CMTM8: variants seen among roughly 807,000 people sequenced by gnomAD.
CMTM8 encodes the protein CKLF-like MARVEL transmembrane domain-containing protein 8.
Under a neutral mutation model 18.6 loss-of-function variants are expected in CMTM8, and 12 were observed. The observed-to-expected ratio is 0.65, with a 90% confidence interval of 0.41 to 1.05. CMTM8 has a LOEUF of 1.05. Ranked by LOEUF, CMTM8 falls within the 50% of genes least tolerant of loss-of-function variation. The pLI, the probability that CMTM8 is intolerant of heterozygous loss-of-function variation, is 0.00. For missense variants in CMTM8, 217 were observed against 227.2 expected, an observed-to-expected ratio of 0.95 and a Z score of 0.29; for synonymous variants, 87 against 90.6, an observed-to-expected ratio of 0.96 and a Z score of 0.23.
At chr3:32,322,981 C>G (rs1696087005) in intron 1 of CMTM8, among the ~76,000 whole-genome samples, 1 of 152,128 alleles carries the variant, frequency 6.6e-6, no homozygotes, top group Non-Finnish European at 1.5e-5. Flanking sequence ...TGTATAGGCT[C>G]TCTCCATAGA....
At chr3:32,242,493 T>G (rs1701956912) in intron 1 of CMTM8, among the ~76,000 whole-genome samples, 1 of 151,910 alleles carries the variant, frequency 6.6e-6, no homozygotes, top group Non-Finnish European at 1.5e-5. Flanking sequence ...TGGTGGATGA[T>G]TTTTTTGTAT....
chr3:32,338,233 C>T (rs1375495472), intron 1 of CMTM8, among the ~76,000 whole-genome samples: 5 of 152,056 alleles, frequency 3.3e-5, no homozygotes, highest in African/African-American at 9.7e-5. Flanking sequence ...CTGCCCGCCT[C>T]GGCCTCCTAA....
intron 1 of CMTM8, among the ~76,000 whole-genome samples, chr3:32,288,606 C>T (rs1278223907): frequency 2.6e-5 from 4 of 151,920 alleles, no homozygotes; most frequent in African/African-American, 2.4e-5. Context: ...GTTCAAACAA[C>T]TCCCCTGCCT....
chr3:32,287,738 G>A (rs1477412749), intron 1 of CMTM8, among the ~76,000 whole-genome samples: 2 of 152,174 alleles, frequency 1.3e-5, no homozygotes, highest in Non-Finnish European at 2.9e-5. Flanking sequence ...ATTATTTTAT[G>A]TGTCCGCCAT....
At chr3:32,340,218 A>G (rs1219993090) in intron 1 of CMTM8, among the ~76,000 whole-genome samples, 1 of 152,108 alleles carries the variant, frequency 6.6e-6, no homozygotes, top group Non-Finnish European at 1.5e-5. Context: ...GTAAACTCTG[A>G]TCTCTCGCCA....
At chr3:32,359,625 T>C (rs892814043) in intron 2 of CMTM8, among the ~76,000 whole-genome samples, 5 of 152,098 alleles carry the variant, frequency 3.3e-5, no homozygotes, top group Non-Finnish European at 7.4e-5. Context: ...ATGGGCCAGA[T>C]TTGACCCACA....
chr3:32,305,949 C>T (rs1456607874), intron 1 of CMTM8, among the ~76,000 whole-genome samples: 1 of 152,174 alleles, frequency 6.6e-6, no homozygotes, highest in Non-Finnish European at 1.5e-5. Context: ...CTATTAAAAT[C>T]AATTCATGTT....
At chr3:32,360,184 C>T (rs1319102748) in intron 2 of CMTM8, among the ~76,000 whole-genome samples, 1 of 152,230 alleles carries the variant, frequency 6.6e-6, no homozygotes, top group Non-Finnish European at 1.5e-5. Flanking sequence ...CCCAGACACA[C>T]TTTCTTAGCA....
chr3:32,327,214 C>A (rs943144725), intron 1 of CMTM8, among the ~76,000 whole-genome samples: 1 of 152,044 alleles, frequency 6.6e-6, no homozygotes, highest in Non-Finnish European at 1.5e-5. Context: ...AATGATTGTC[C>A]TTCCAAATAG....
intron 1 of CMTM8, among the ~76,000 whole-genome samples, chr3:32,315,576 CA>C (rs1359785652): frequency 6.6e-6 from 1 of 152,194 alleles, no homozygotes; most frequent in Non-Finnish European, 1.5e-5. Context: ...AATGTTAAAG[CA>C]AAAGAGATTC....
intron 1 of CMTM8, among the ~76,000 whole-genome samples, chr3:32,339,692 G>A (rs1243757096): frequency 2.0e-5 from 3 of 152,182 alleles, no homozygotes; most frequent in East Asian, 1.9e-4. Flanking sequence ...GGCCGGGCGC[G>A]GTGGCTCATG....
Position 32,238,831 on chromosome 3 carries a change from C to A in CMTM8, c.-142C>A. Reference sequence around the variant, plus strand: ...CCCGCCGCGCCTGGACAGCCCCCGGCGGGCGCCCCCCTCGCACCTCCTGCC... The same window carrying A: ...CCCGCCGCGCCTGGACAGCCCCCGGAGGGCGCCCCCCTCGCACCTCCTGCC... On this transcript the variant is annotated 5_prime_UTR_variant, in exon 1 of 4. Transcript: ENST00000307526. 1 of 555,572 alleles carries A rather than the reference C, an allele frequency of 1.8e-6. No homozygotes were observed. The highest frequency in any genetic ancestry group is 2.7e-6 in the Non-Finnish European group (1 of 377,148). 34.4% of individuals were successfully genotyped at this position (555,572 alleles called of 1,614,324 possible).
At chr3:32,319,075 T>TATATATATA (rs1553605531) in intron 1 of CMTM8, among the ~76,000 whole-genome samples, 39 of 25,252 alleles carry the variant, frequency 1.5e-3, no homozygotes, top group South Asian at 2.0e-3. Flanking sequence ...TATATATATA[T>TATATATATA]TTTTTTTTTT....
chr3:32,261,207 T>C (rs887600215), intron 1 of CMTM8, among the ~76,000 whole-genome samples: 1 of 151,274 alleles, frequency 6.6e-6, no homozygotes, highest in Admixed American at 6.6e-5. Flanking sequence ...GAAAACAAAA[T>C]GCTATGAGTT....
intron 1 of CMTM8, among the ~76,000 whole-genome samples, chr3:32,269,321 A>G (rs1370753508): frequency 6.6e-6 from 1 of 152,242 alleles, no homozygotes; most frequent in Non-Finnish European, 1.5e-5. Flanking sequence ...TAACAGGTAT[A>G]TTTAATATTC....
At chr3:32,352,962 A>G (rs1164411509) in intron 1 of CMTM8, among the ~76,000 whole-genome samples, 3 of 152,144 alleles carry the variant, frequency 2.0e-5, no homozygotes, top group Admixed American at 2.0e-4. Context: ...TATACTGATA[A>G]CAGAGTAAAC....
intron 1 of CMTM8, among the ~76,000 whole-genome samples, chr3:32,323,083 G>A (rs1696088900): frequency 6.6e-6 from 1 of 152,176 alleles, no homozygotes; most frequent in African/African-American, 2.4e-5. Flanking sequence ...CAGGGATGCT[G>A]CAGCCAAGGG....
intron 1 of CMTM8, among the ~76,000 whole-genome samples, chr3:32,251,328 T>C (rs577749173): frequency 3.7e-4 from 57 of 152,164 alleles, no homozygotes; most frequent in African/African-American, 1.3e-3. Flanking sequence ...CATTCATTTT[T>C]TTTGAGACAG....
rs114332061 is a variant in CMTM8, at chr3:32,355,631, A to T, written c.148-1742A>T. Among the ~76,000 whole-genome samples the T allele has an allele frequency of 2.6e-3, 393 of 152,220 alleles. 2 individuals carry two copies. Among genetic ancestry groups the T allele is most frequent in the African/African-American group, 9.0e-3 (372 of 41,544 alleles). On this transcript the variant is annotated intron_variant, in intron 1 of 3. Coordinates refer to ENST00000307526, the MANE Select transcript of CMTM8 (RefSeq NM_178868.5). The stretch of plus-strand genomic sequence containing the variant: ...CTCTACCTGCAGCCAGAGTGGCTTT[A>T]TAAAAAAATCTAGCCTAATCTTAAC...
Sources: allele counts gnomAD v4.1 joint callset (sites outside exome capture counted in the v4.1 genomes callset), GRCh38; gene constraint gnomAD v4.1.1; transcripts MANE v1.5; gene names NCBI Gene and HGNC (gene_info 2026-07-23, HGNC 2026-07-21).